Variants in ZC3H13 observed in about 807,000 individuals in gnomAD.
ZC3H13 encodes zinc finger CCCH domain-containing protein 13.
ZC3H13 carries 64 observed loss-of-function variants against 204.1 expected under a neutral mutation model. The observed-to-expected ratio is 0.31, with a 90% CI of 0.26 to 0.39. The LOEUF is 0.39. ZC3H13 is among the 10% of genes least tolerant of loss of function. The pLI, the probability that ZC3H13 is intolerant of heterozygous loss-of-function variation, is 1.00. For missense variants in ZC3H13, 1,833 were observed against 2,082.7 expected, an observed-to-expected ratio of 0.88 and a Z score of 2.33; for synonymous variants, 667 against 693.7, an observed-to-expected ratio of 0.96 and a Z score of 0.60.
At chr13:46,045,572 G>A in intron 1 of ZC3H13, 56 bp from the exon 2 acceptor site, 1 of 1,192,040 alleles carries the variant, frequency 8.4e-7, no homozygotes, top group Non-Finnish European at 1.3e-6. Flanking sequence ...TTAAATAACT[G>A]AGCCCACAGC....
At chr13:46,050,464 G>T (rs1004824652) in intron 1 of ZC3H13, among the ~76,000 whole-genome samples, 1 of 152,136 alleles carries the variant, frequency 6.6e-6, no homozygotes, top group African/African-American at 2.4e-5. Flanking sequence ...CGGATGAGTA[G>T]CGGCATAATA....
At chr13:45,991,700 A>G (rs2039983654) in intron 8 of ZC3H13, among the ~76,000 whole-genome samples, 1 of 152,208 alleles carries the variant, frequency 6.6e-6, no homozygotes, top group Non-Finnish European at 1.5e-5. Context: ...TTATTTAATG[A>G]AGAGAAGCTT....
intron 1 of ZC3H13, among the ~76,000 whole-genome samples, chr13:46,048,004 C>A (rs1455933799): frequency 6.6e-6 from 1 of 152,108 alleles, no homozygotes; most frequent in Non-Finnish European, 1.5e-5. Context: ...CTCTACTACC[C>A]CCAACATGCC....
chr13:45,965,422 G>C lies in ZC3H13; in HGVS notation c.4332C>G (p.Asp1444Glu), dbSNP rs767623893. 18 of 1,611,986 alleles carry C rather than the reference G, an allele frequency of 1.1e-5. No individual in the cohort carries two copies. The South Asian group carries it at 1.2e-4, about 11-fold the overall frequency. ...AATGTGCATCATCTAACTTGGACTC[G>C]TCATCTCCTGCTAAATAGACAAATT... ...ERTESLEAGD[D>E]ESKLDDAHSL... The change falls in exon 16 of 19, where the codon GAC (aspartate) becomes GAG (glutamate). Residue 1444 changes from aspartate (D) to glutamate (E), a missense_variant. Asp to Glu is a conservative substitution (Grantham distance 45, BLOSUM62 2). Around this residue, in one of 5 missense-constraint regions of ZC3H13, gnomAD observed 1,574 missense variants for 1,757.2 expected, o/e 0.90. Coordinates refer to ENST00000679008, the MANE Select transcript of ZC3H13 (RefSeq NM_001330564.2).
At chr13:45,982,929 C>T (rs372000628) in intron 10 of ZC3H13, among the ~76,000 whole-genome samples, 4 of 152,254 alleles carry the variant, frequency 2.6e-5, no homozygotes, top group Admixed American at 6.5e-5. Flanking sequence ...ACTCAATTTA[C>T]GTGTACCTAA....
At position 45,955,476 on chromosome 13, in the gene ZC3H13, T is replaced by C. The variant is rs1049467707; in HGVS notation, c.*1651A>G. 1.3e-5 allele frequency: 2 copies of C among 152,208 alleles called. No homozygotes were observed. The highest frequency in any genetic ancestry group is 4.1e-4 in the South Asian group (2 of 4,834). 9.4% of individuals were successfully genotyped at this position (152,208 alleles called of 1,614,324 possible). ...AGATTTAACTACATAGTTTTCATTCTATAAATAAATAACTTGTGAAATATC... is the reference window on the plus strand; with the variant it reads ...AGATTTAACTACATAGTTTTCATTCCATAAATAAATAACTTGTGAAATATC... On this transcript the variant is annotated 3_prime_UTR_variant, in exon 19 of 19. Transcript: ENST00000679008.
At chr13:46,051,843 G>A (rs1316213619) in intron 1 of ZC3H13, 1 of 151,992 alleles carries the variant, frequency 6.6e-6, no homozygotes, top group Admixed American at 6.5e-5. Flanking sequence ...AATTGCGTTA[G>A]CCTATTACAG....
chr13:46,017,826 C>CAA (rs2042002630), intron 5 of ZC3H13, among the ~76,000 whole-genome samples: 1 of 152,032 alleles, frequency 6.6e-6, no homozygotes, highest in Non-Finnish European at 1.5e-5. Context: ...GCACTTAACT[C>CAA]AATGCTTCAA....
intron 10 of ZC3H13, among the ~76,000 whole-genome samples, chr13:45,983,417 T>TA (rs1953867764): frequency 5.6e-5 from 1 of 17,706 alleles, no homozygotes; most frequent in Admixed American, 5.9e-4. Context: ...ATATATATTT[T>TA]TTTTTTTTTT....
intron 8 of ZC3H13, among the ~76,000 whole-genome samples, chr13:46,000,896 G>A (rs779872182): frequency 1.3e-5 from 2 of 152,084 alleles, no homozygotes; most frequent in South Asian, 2.1e-4. Context: ...TTATTAGTTG[G>A]CCTAATTTCA....
chr13:45,958,656 T>TCA (rs1951447920), intron 18 of ZC3H13, among the ~76,000 whole-genome samples: 1 of 135,740 alleles, frequency 7.4e-6, no homozygotes, highest in Admixed American at 7.5e-5. Context: ...CAGTTTTTTT[T>TCA]TTTTTTTTTT....
chr13:45,968,980 C>T lies in ZC3H13; in HGVS notation c.3564G>A (p.Arg1188=). 1 of 1,614,222 alleles carries T rather than the reference C, an allele frequency of 6.2e-7. No homozygotes were observed. The highest frequency in any genetic ancestry group is 8.5e-7 in the Non-Finnish European group (1 of 1,180,038). The change falls in exon 14 of 19, where the codon AGG becomes AGA. Residue 1188 remains arginine, a synonymous_variant. Transcript: ENST00000679008. ...AQHRKPMDQK[R]SSSLGSNRSN... ...TCCGATTGCTCCCGAGGCTGCTGCTCCTCTTTTGATCCATAGGCTTGCGAT... is the reference window on the plus strand; with the variant it reads ...TCCGATTGCTCCCGAGGCTGCTGCTTCTCTTTTGATCCATAGGCTTGCGAT...
At chr13:46,030,685 T>C (rs2042838073) in intron 4 of ZC3H13, among the ~76,000 whole-genome samples, 1 of 151,954 alleles carries the variant, frequency 6.6e-6, no homozygotes, top group Non-Finnish European at 1.5e-5. Flanking sequence ...GAATTTAAAA[T>C]TAAAACAATA....
At chr13:46,010,568 A>C in intron 6 of ZC3H13, 63 bp from the exon 7 acceptor site, 7 of 1,520,810 alleles carry the variant, frequency 4.6e-6, no homozygotes, top group Non-Finnish European at 6.3e-6. Context: ...CAAGACTTAC[A>C]GTATTTTAGA....
chr13:45,984,523 T>C (rs1465052591), intron 10 of ZC3H13, among the ~76,000 whole-genome samples: 1 of 152,148 alleles, frequency 6.6e-6, no homozygotes, highest in Admixed American at 6.5e-5. Context: ...AGTTTTTTTA[T>C]GAAATTAAAA....
chr13:45,979,823 G>A lies in ZC3H13; in HGVS notation c.1902C>T (p.Asn634=). The stretch of plus-strand genomic sequence containing the variant: ...TTCTGTTTGACAAACCTCTCTCTCT[G>A]TTGTCACGACGGTCTCGCTCTCCAT... ...RRHGERDRRD[N]RERDQRPSSP... is the part of the protein sequence containing the mutation. The change falls in exon 11 of 19, where the codon AAC becomes AAT. Residue 634 remains asparagine (N), a synonymous_variant. Transcript: ENST00000679008. 1 of 1,576,204 alleles carries A rather than the reference G, an allele frequency of 6.3e-7. No homozygotes were observed. Among genetic ancestry groups the A allele is most frequent in the Non-Finnish European group, 8.6e-7 (1 of 1,165,460 alleles).
At chr13:45,962,257 A>G in intron 17 of ZC3H13, 24 of 985,400 alleles carry the variant, frequency 2.4e-5, no homozygotes, top group South Asian at 1.9e-4. Flanking sequence ...CAAAAATAGA[A>G]GAAGTCTGAT....
intron 8 of ZC3H13, among the ~76,000 whole-genome samples, chr13:45,995,688 G>T (rs1201482629): frequency 6.6e-6 from 1 of 152,196 alleles, no homozygotes; most frequent in African/African-American, 2.4e-5. Context: ...ATGAATAAAT[G>T]AATTAGCACT....
rs141399987 is a variant in ZC3H13, at chr13:45,991,081, C to A, written c.945-1984G>T. On this transcript the variant is annotated intron_variant, in intron 8 of 18. Transcript: ENST00000679008. ...CCTCCTAAAGTGCTGGGATTATAGGCATGAGCCACCATGCTTGATGGTTCT... is the reference window on the plus strand; with the variant it reads ...CCTCCTAAAGTGCTGGGATTATAGGAATGAGCCACCATGCTTGATGGTTCT... Among the ~76,000 whole-genome samples, 941 of 152,290 alleles carry A rather than the reference C, an allele frequency of 6.2e-3. 2 individuals carry two copies. The highest frequency in any genetic ancestry group is 0.014 in the Middle Eastern group (4 of 294).
Sources: allele counts gnomAD v4.1 joint callset (sites outside exome capture counted in the v4.1 genomes callset), GRCh38; gene constraint gnomAD v4.1.1; regional missense constraint gnomAD v4.1.1; transcripts MANE v1.5; gene names NCBI Gene and HGNC (gene_info 2026-07-23, HGNC 2026-07-21).